The following MTUS2 variants were observed in gnomAD, a reference collection of about 807,000 sequenced individuals.
MTUS2 encodes the protein microtubule-associated tumor suppressor candidate 2.
A neutral mutation model predicts 114.1 loss-of-function variants in MTUS2; 40 were observed. The ratio of observed to expected loss-of-function variants is 0.35; its 90% CI spans 0.27 to 0.46. The LOEUF (loss-of-function observed/expected upper bound fraction) is 0.46. Among genes scored for constraint, MTUS2 ranks in the 20% least tolerant of loss-of-function variants. The pLI is 1.00. For missense variants in MTUS2, 1,679 were observed against 1,705.4 expected, an observed-to-expected ratio of 0.98 and a Z score of 0.27; for synonymous variants, 688 against 672.0, an observed-to-expected ratio of 1.02 and a Z score of -0.37.
At chr13:29,490,131 A>T (rs1399300057) in intron 11 of MTUS2, 1 of 152,222 alleles carries the variant, frequency 6.6e-6, no homozygotes, top group African/African-American at 2.4e-5. Context: ...CGATGACTGT[A>T]ACACTAATCA....
chr13:29,332,849 A>G (rs1900858300), intron 7 of MTUS2, among the ~76,000 whole-genome samples: 4 of 151,904 alleles, frequency 2.6e-5, no homozygotes, highest in Admixed American at 2.6e-4. Context: ...GTTAGCCAGG[A>G]TGGTCTTGAT....
intron 2 of MTUS2, among the ~76,000 whole-genome samples, chr13:28,973,631 A>G (rs1190619682): frequency 6.6e-6 from 1 of 152,228 alleles, no homozygotes; most frequent in South Asian, 2.1e-4. Flanking sequence ...AACTGTAATC[A>G]TAGTTTGCTT....
At chr13:28,975,785 T>A (rs1176991296) in intron 2 of MTUS2, among the ~76,000 whole-genome samples, 9 of 152,240 alleles carry the variant, frequency 5.9e-5, no homozygotes, top group African/African-American at 1.9e-4. Context: ...CTTTGCCTTT[T>A]TGAAACTCAG....
At chr13:29,493,232 C>A (rs368558622) in intron 12 of MTUS2, among the ~76,000 whole-genome samples, 1 of 152,182 alleles carries the variant, frequency 6.6e-6, no homozygotes, top group Admixed American at 6.5e-5. Context: ...GTCTCAGATG[C>A]CAGAGGAGCT....
At chr13:29,282,025 A>G (rs1898293533) in intron 6 of MTUS2, among the ~76,000 whole-genome samples, 160 bp downstream of exon 6, 1 of 152,238 alleles carries the variant, frequency 6.6e-6, no homozygotes, top group Non-Finnish European at 1.5e-5. Context: ...GCACTTTCAT[A>G]TATTCATGTT....
At chr13:29,460,828 A>G (rs1268639200) in intron 9 of MTUS2, among the ~76,000 whole-genome samples, 1 of 151,990 alleles carries the variant, frequency 6.6e-6, no homozygotes, top group Non-Finnish European at 1.5e-5. Context: ...TTTTCTTACT[A>G]AAAAATATTC....
intron 6 of MTUS2, among the ~76,000 whole-genome samples, chr13:29,309,415 A>G (rs1173974368): frequency 6.6e-6 from 1 of 151,730 alleles, no homozygotes; most frequent in East Asian, 1.9e-4. Flanking sequence ...GTCAACACAC[A>G]CTGGGGCCTG....
chr13:29,343,617 A>G (rs966783874), intron 7 of MTUS2, among the ~76,000 whole-genome samples: 3 of 151,868 alleles, frequency 2.0e-5, no homozygotes, highest in African/African-American at 7.2e-5. Flanking sequence ...TGTTTCATTT[A>G]TCTTTTGTAT....
chr13:29,297,342 A>T (rs1898992540), intron 6 of MTUS2, among the ~76,000 whole-genome samples: 1 of 152,178 alleles, frequency 6.6e-6, no homozygotes, highest in Admixed American at 6.5e-5. Flanking sequence ...TTTCCTTTTT[A>T]AAAAAGATAC....
intron 5 of MTUS2, among the ~76,000 whole-genome samples, chr13:29,167,696 A>G (rs1033359269): frequency 4.1e-4 from 62 of 152,138 alleles, no homozygotes; most frequent in African/African-American, 1.4e-3. Context: ...GTAATCCAAA[A>G]TGCTCCAAAA....
At chr13:29,030,612 T>A (rs1353271846) in intron 3 of MTUS2, among the ~76,000 whole-genome samples, 6 of 152,172 alleles carry the variant, frequency 3.9e-5, no homozygotes, top group Non-Finnish European at 7.4e-5. Context: ...ACAGCCGACT[T>A]CTTCTGCCAG....
At chr13:29,433,635 C>T (rs1877178376) in intron 8 of MTUS2, among the ~76,000 whole-genome samples, 2 of 152,096 alleles carry the variant, frequency 1.3e-5, no homozygotes, top group Non-Finnish European at 1.5e-5. Flanking sequence ...AAAACGAGTG[C>T]GATAGCCACA....
intron 2 of MTUS2, among the ~76,000 whole-genome samples, chr13:28,992,870 C>A (rs936951729): frequency 2.0e-5 from 3 of 152,144 alleles, no homozygotes; most frequent in African/African-American, 7.2e-5. Flanking sequence ...GAAACCGTCC[C>A]CGTTAAAAAA....
At chr13:29,219,241 C>T (rs1019599447) in intron 5 of MTUS2, among the ~76,000 whole-genome samples, 7 of 147,698 alleles carry the variant, frequency 4.7e-5, no homozygotes, top group East Asian at 2.0e-4. Context: ...TTTGTTCTTG[C>T]GATAGTTTAC....
At chr13:29,196,435 A>AT (rs67580981) in intron 5 of MTUS2, among the ~76,000 whole-genome samples, 2 of 151,256 alleles carry the variant, frequency 1.3e-5, no homozygotes, top group Non-Finnish European at 2.9e-5. Context: ...TTTTTCCTCA[A>AT]TTTTTTTTTT....
chr13:28,926,379 TTGG>T lies in MTUS2; in HGVS notation c.-243+86536_-243+86538del, dbSNP rs569339229. 1.5e-3 allele frequency among the ~76,000 whole-genome samples: 235 copies of T among 152,282 alleles called. 3 individuals are homozygous for T. Among genetic ancestry groups the T allele is most frequent in the African/African-American group, 4.9e-3 (204 of 41,562 alleles). On this transcript the variant is annotated intron_variant, in intron 2 of 15. Coordinates refer to ENST00000612955, the MANE Select transcript of MTUS2 (RefSeq NM_001033602.4). ...AAATGAGGTTGACATGGATTAACAA[TTGG>T]TGGTGGACAGAAATTTGCTGAATTT...
intron 6 of MTUS2, among the ~76,000 whole-genome samples, chr13:29,320,336 G>T (rs1900201883): frequency 6.6e-6 from 1 of 152,202 alleles, no homozygotes; most frequent in African/African-American, 2.4e-5. Flanking sequence ...CCGACCCCTT[G>T]GCTTCAGCCC....
intron 5 of MTUS2, among the ~76,000 whole-genome samples, chr13:29,230,471 C>G (rs1896282185): frequency 6.6e-6 from 1 of 152,210 alleles, no homozygotes; most frequent in African/African-American, 2.4e-5. Context: ...TGGCTTACAT[C>G]TTTATATGTT....
chr13:29,214,378 A>T (rs1895591102), intron 5 of MTUS2, among the ~76,000 whole-genome samples: 1 of 152,092 alleles, frequency 6.6e-6, no homozygotes, highest in Non-Finnish European at 1.5e-5. Context: ...TAATTTTGTT[A>T]TGTGTGAATT....
Sources: allele counts gnomAD v4.1 joint callset (sites outside exome capture counted in the v4.1 genomes callset), GRCh38; gene constraint gnomAD v4.1.1; transcripts MANE v1.5; gene names NCBI Gene and HGNC (gene_info 2026-07-23, HGNC 2026-07-21).